C5: variants seen among roughly 807,000 people sequenced by gnomAD.
The protein encoded by C5 is C3 and PZP-like alpha-2-macroglobulin domain-containing protein 4.
A neutral mutation model predicts 218.8 loss-of-function variants in C5; 140 were observed. That is an observed-to-expected ratio of 0.64 (90% confidence interval 0.56 to 0.74). C5 has a LOEUF of 0.74. Ranked by LOEUF, C5 falls within the 30% of genes least tolerant of loss-of-function variation. The pLI is 0.00. For missense variants in C5, 1,700 were observed against 1,969.6 expected (o/e 0.86, Z 2.59); for synonymous variants, 614 against 682.3 (o/e 0.90, Z 1.56).
intron 30 of C5, among the ~76,000 whole-genome samples, chr9:120,972,279 G>T (rs990021971): frequency 2.6e-5 from 4 of 152,114 alleles, no homozygotes; most frequent in African/African-American, 7.2e-5. Context: ...TTTACATATG[G>T]CTATGGTAAA....
At chr9:120,973,106 C>T (rs2046926968) in intron 30 of C5, among the ~76,000 whole-genome samples, 1 of 152,070 alleles carries the variant, frequency 6.6e-6, no homozygotes, top group Non-Finnish European at 1.5e-5. Context: ...TTAATGCACA[C>T]TCAACCACCT....
chr9:121,046,521 A>G (rs1263241769), intron 1 of C5, 138 bp from the exon 2 acceptor site: 1 of 660,574 alleles, frequency 1.5e-6, no homozygotes, highest in African/African-American at 1.8e-5. Flanking sequence ...TAATAAGTCA[A>G]AATGTACTTG....
chr9:121,038,444 T>G (rs1386753715), intron 3 of C5, among the ~76,000 whole-genome samples: 1 of 152,230 alleles, frequency 6.6e-6, no homozygotes, highest in African/African-American at 2.4e-5. Flanking sequence ...TAGCTCTTAT[T>G]GCAAAAGGCA....
intron 39 of C5, chr9:120,956,962 C>A: frequency 2.9e-6 from 1 of 343,158 alleles, no homozygotes; most frequent in Non-Finnish European, 5.7e-6. Flanking sequence ...TATACCAAAC[C>A]CCCAAAACAT....
At chr9:121,066,665 T>G in the C5 span, among the ~76,000 whole-genome samples, 6 of 150,002 alleles carry the variant, frequency 4.0e-5, no homozygotes, top group South Asian at 1.3e-3. Context: ...GCCAACATGA[T>G]GAAACCCCAT....
At chr9:121,003,665 T>C (rs1241966417) in intron 20 of C5, among the ~76,000 whole-genome samples, 1 of 152,224 alleles carries the variant, frequency 6.6e-6, no homozygotes, top group Non-Finnish European at 1.5e-5. Context: ...GATTAAAATA[T>C]ATTGATAAAG....
chr9:121,035,940 C>G (rs1337719742), intron 4 of C5, among the ~76,000 whole-genome samples: 1 of 151,868 alleles, frequency 6.6e-6, no homozygotes, highest in Non-Finnish European at 1.5e-5. Flanking sequence ...GTCCTAGCTA[C>G]TCAGGAAGCT....
rs568151617 is a variant in C5 at position 121,046,734 on chromosome 9, T to C, written c.66-351A>G. Among the ~76,000 whole-genome samples the C allele has an allele frequency of 7.9e-5, 12 of 152,254 alleles. No homozygotes were observed. In the South Asian group the frequency reaches 1.2e-3, roughly 16 times the overall value. On this transcript the variant is annotated intron_variant, in intron 1 of 40. Coordinates refer to ENST00000223642, the MANE Select transcript of C5 (RefSeq NM_001735.3). ...TGCTCAATGAAGAAAAAAGCAGTGATTGAATTCCAGCTGTGGCATCTGCTG... is the reference window on the plus strand; with the variant it reads ...TGCTCAATGAAGAAAAAAGCAGTGACTGAATTCCAGCTGTGGCATCTGCTG...
chr9:120,994,924 A>G (rs2047105244), intron 22 of C5, among the ~76,000 whole-genome samples: 1 of 62,584 alleles, frequency 1.6e-5, no homozygotes, highest in Non-Finnish European at 4.8e-5. Context: ...TCTGTGGTGA[A>G]AAAAAAAAAA....
At chr9:120,992,134 A>G (rs987971566) in intron 22 of C5, among the ~76,000 whole-genome samples, 3 of 152,244 alleles carry the variant, frequency 2.0e-5, no homozygotes, top group Non-Finnish European at 2.9e-5. Flanking sequence ...CCTGGCACTT[A>G]GCACAGACCC....
At chr9:120,998,241 T>C (rs975237667) in intron 20 of C5, among the ~76,000 whole-genome samples, 5 of 152,196 alleles carry the variant, frequency 3.3e-5, no homozygotes, top group African/African-American at 9.7e-5. Context: ...TTTCCTAACA[T>C]AGACACACAA....
At chr9:121,023,064 G>T (rs974657782) in intron 10 of C5, among the ~76,000 whole-genome samples, 12 of 152,236 alleles carry the variant, frequency 7.9e-5, no homozygotes, top group African/African-American at 2.9e-4. Context: ...TTAAGAATTT[G>T]CCACCAAATA....
At chr9:120,988,432 G>A (rs1301222423) in intron 25 of C5, among the ~76,000 whole-genome samples, 3 of 152,126 alleles carry the variant, frequency 2.0e-5, no homozygotes, top group African/African-American at 7.2e-5. Context: ...AAAGACCTGA[G>A]GGAAATATGA....
rs1053186681 is a variant in C5 at position 121,037,968 on chromosome 9, T to C, written c.422-17A>G. ...TAACTTTTACTGTAAGAATAATTGA[T>C]ATAATCAAAAACTCTGCTAAAAACA... On this transcript the variant is annotated splice_polypyrimidine_tract_variant and intron_variant, in intron 3 of 40. Transcript: ENST00000223642. 1 of 1,265,292 alleles carries C rather than the reference T, an allele frequency of 7.9e-7. No individual in the cohort carries two copies. The highest frequency in any genetic ancestry group is 1.1e-6 in the Non-Finnish European group (1 of 887,448). The allele number at this position is 1,265,292 out of a possible 1,614,324, so 78.4% of individuals were successfully genotyped here. A position where few individuals can be genotyped will look rare whatever the true frequency, so the allele number is the denominator to read the frequency against.
At chr9:121,010,116 C>T (rs2047249617) in intron 17 of C5, among the ~76,000 whole-genome samples, 1 of 152,176 alleles carries the variant, frequency 6.6e-6, no homozygotes, top group Admixed American at 6.5e-5. Context: ...AGTCCTAGTG[C>T]ACTGGAAGTC....
the C5 span, among the ~76,000 whole-genome samples, chr9:121,057,859 C>G: frequency 6.6e-6 from 1 of 152,164 alleles, no homozygotes; most frequent in African/African-American, 2.4e-5. Context: ...CTTGTTATGG[C>G]ATTGATTGCC....
At chr9:120,971,562 T>C (rs1029348729) in intron 31 of C5, among the ~76,000 whole-genome samples, 19 of 152,156 alleles carry the variant, frequency 1.2e-4, no homozygotes, top group African/African-American at 4.6e-4. Flanking sequence ...CCTCAGCCTC[T>C]GAGTAGCTGG....
At chr9:120,963,792 A>C in intron 33 of C5, 54 bp from the exon 34 acceptor site, 1 of 1,340,652 alleles carries the variant, frequency 7.5e-7, no homozygotes, top group Non-Finnish European at 1.1e-6. Context: ...AAGAGTCTTT[A>C]AGAAAGGACA....
At chr9:121,030,110 C>T (rs574037656) in intron 7 of C5, among the ~76,000 whole-genome samples, 1 of 152,258 alleles carries the variant, frequency 6.6e-6, no homozygotes, top group South Asian at 2.1e-4. Context: ...ATCTCAGTCC[C>T]AATATTCTAA....
Sources: allele counts gnomAD v4.1 joint callset (sites outside exome capture counted in the v4.1 genomes callset), GRCh38; gene constraint gnomAD v4.1.1; transcripts MANE v1.5; gene names NCBI Gene and HGNC (gene_info 2026-07-23, HGNC 2026-07-21).